C4orf36: variants seen among roughly 807,000 people sequenced by gnomAD.
C4orf36 encodes the protein uncharacterized protein C4orf36.
In C4orf36, 11 loss-of-function variants were observed where a neutral mutation model predicts 12.2. The ratio of observed to expected loss-of-function variants is 0.90; its 90% CI spans 0.57 to 1.49. C4orf36 has a LOEUF of 1.49. C4orf36 is among the 40% of genes most tolerant of loss of function. The probability of loss-of-function intolerance (pLI) is 0.00; values close to 1 mark genes in which losing one functional copy is unlikely to be tolerated. For missense variants in C4orf36, 137 were observed against 133.9 expected (o/e 1.02, Z -0.11); for synonymous variants, 54 against 51.3 (o/e 1.05, Z -0.22).
At chr4:86,920,367 T>C in the C4orf36 span, among the ~76,000 whole-genome samples, 36 of 152,326 alleles carry the variant, frequency 2.4e-4, no homozygotes, top group Non-Finnish European at 4.1e-4. Context: ...TCTAGTCTTT[T>C]TCTAGCCTGC....
At chr4:86,935,619 A>G in the C4orf36 span, 5 of 151,136 alleles carry the variant, frequency 3.3e-5, no homozygotes. Flanking sequence ...AATGAGTCCC[A>G]GAAGTTTCTC....
chr4:86,885,796 T>G (rs1578776266), intron 4 of C4orf36, among the ~76,000 whole-genome samples: 1 of 152,174 alleles, frequency 6.6e-6, no homozygotes, highest in Non-Finnish European at 1.5e-5. Flanking sequence ...AGGGAATGCT[T>G]CCAGTTTTTG....
chr4:86,886,246 A>G (rs542453271), intron 4 of C4orf36, among the ~76,000 whole-genome samples: 3 of 152,278 alleles, frequency 2.0e-5, no homozygotes, highest in African/African-American at 7.2e-5. Context: ...CTCTTTTTCT[A>G]TTGATTGGAA....
chr4:86,913,825 C>CTT, the C4orf36 span: 49,122 of 576,692 alleles, frequency 0.085, 117 homozygotes, highest in South Asian at 0.13. Context: ...TTTTCATCCA[C>CTT]TTTTTTTTTT....
the C4orf36 span, among the ~76,000 whole-genome samples, chr4:86,920,706 ACCACTC>A: frequency 6.6e-6 from 1 of 152,150 alleles, no homozygotes; most frequent in African/African-American, 2.4e-5. Context: ...CTATAACCAA[ACCACTC>A]CCTCAATAAC....
intron 2 of C4orf36, among the ~76,000 whole-genome samples, 170 bp downstream of exon 2, chr4:86,891,286 C>A: frequency 2.3e-5 from 2 of 86,288 alleles, no homozygotes; most frequent in Non-Finnish European, 2.3e-5. Context: ...CTTATAAAAG[C>A]AGTTGCCAAA....
At chr4:86,918,008 T>A in the C4orf36 span, among the ~76,000 whole-genome samples, 2 of 152,266 alleles carry the variant, frequency 1.3e-5, no homozygotes, top group East Asian at 3.8e-4. Flanking sequence ...AAGATCAAGG[T>A]ACCATCCATT....
At chr4:86,919,661 A>C in the C4orf36 span, among the ~76,000 whole-genome samples, 1 of 152,092 alleles carries the variant, frequency 6.6e-6, no homozygotes, top group South Asian at 2.1e-4. Flanking sequence ...ATTCCATCTT[A>C]AGTCATTTAT....
At chr4:86,896,615 C>T (rs190109626), upstream of C4orf36, among the ~76,000 whole-genome samples, 53 of 152,282 alleles carry the variant, frequency 3.5e-4, 1 homozygote, top group African/African-American at 1.0e-3. Context: ...TCTTCTCGCC[C>T]TTAAATTTAT....
intron 4 of C4orf36, among the ~76,000 whole-genome samples, chr4:86,884,762 A>C (rs1163189496): frequency 6.6e-6 from 1 of 152,202 alleles, no homozygotes; most frequent in Non-Finnish European, 1.5e-5. Context: ...TGTTTTAGAC[A>C]TGAAGTCCTT....
chr4:86,921,865 A>G, the C4orf36 span, among the ~76,000 whole-genome samples: 2 of 152,124 alleles, frequency 1.3e-5, no homozygotes, highest in Non-Finnish European at 2.9e-5. Flanking sequence ...GGCCCTGACA[A>G]CCACTGTTCT....
chr4:86,925,174 T>C, the C4orf36 span: 54 of 152,256 alleles, frequency 3.5e-4, no homozygotes, highest in African/African-American at 1.3e-3. Flanking sequence ...AGATTACAGT[T>C]CAACATGAGA....
upstream of C4orf36, among the ~76,000 whole-genome samples, chr4:86,893,679 C>G (rs1415474798): frequency 6.6e-6 from 1 of 151,844 alleles, no homozygotes; most frequent in Non-Finnish European, 1.5e-5. Context: ...ACCCATCTTT[C>G]AAAGGTGCTT....
At chr4:86,894,361 T>G (rs537338691), upstream of C4orf36, among the ~76,000 whole-genome samples, 2 of 152,320 alleles carry the variant, frequency 1.3e-5, no homozygotes, top group East Asian at 3.9e-4. Context: ...TCAGGCTCAA[T>G]GTACAGCCCT....
At chr4:86,900,038 C>CT in the C4orf36 span, among the ~76,000 whole-genome samples, 1,008 of 144,548 alleles carry the variant, frequency 7.0e-3, 2 homozygotes, top group African/African-American at 7.6e-3. Context: ...TGATAGGCAG[C>CT]TTTTTTTTTT....
At chr4:86,913,554 G>C in the C4orf36 span, 1 of 1,049,230 alleles carries the variant, frequency 9.5e-7, no homozygotes, top group Non-Finnish European at 1.5e-6. Flanking sequence ...AAGAGCGTTG[G>C]GCAGCAGTCA....
At chr4:86,921,808 T>C in the C4orf36 span, among the ~76,000 whole-genome samples, 1 of 152,208 alleles carries the variant, frequency 6.6e-6, no homozygotes, top group Non-Finnish European at 1.5e-5. Flanking sequence ...ACTGAAATCC[T>C]GTACCCATTA....
At chr4:86,909,590 A>G in the C4orf36 span, among the ~76,000 whole-genome samples, 1 of 152,230 alleles carries the variant, frequency 6.6e-6, no homozygotes, top group African/African-American at 2.4e-5. Flanking sequence ...ATTTAGATTT[A>G]TGAGGTATGG....
intron 4 of C4orf36, among the ~76,000 whole-genome samples, chr4:86,877,462 G>A (rs1012191960): frequency 5.3e-5 from 8 of 152,194 alleles, no homozygotes; most frequent in African/African-American, 1.9e-4. Flanking sequence ...AATGTTTCTG[G>A]TTGGCAGATC....
Sources: allele counts gnomAD v4.1 joint callset (sites outside exome capture counted in the v4.1 genomes callset), GRCh38; gene constraint gnomAD v4.1.1; transcripts MANE v1.5; gene names NCBI Gene and HGNC (gene_info 2026-07-23, HGNC 2026-07-21).